Variants in SV2C observed in about 807,000 individuals in gnomAD.
SV2C encodes synaptic vesicle glycoprotein 2C.
Under a neutral mutation model 79.7 loss-of-function variants are expected in SV2C, and 49 were observed. The observed-to-expected ratio is 0.61, with a 90% CI of 0.49 to 0.78. The LOEUF (loss-of-function observed/expected upper bound fraction) is 0.78. Among genes scored for constraint, SV2C ranks in the 30% least tolerant of loss-of-function variants. The probability of loss-of-function intolerance (pLI) is 0.00; values close to 1 mark genes in which losing one functional copy is unlikely to be tolerated. For missense variants in SV2C, 833 were observed against 912.9 expected (o/e 0.91, Z 1.13); for synonymous variants, 334 against 333.2 (o/e 1.00, Z -0.03).
chr5:75,934,885 C>CTT, the SV2C span, among the ~76,000 whole-genome samples: 2,780 of 142,992 alleles, frequency 0.019, 87 homozygotes, highest in African/African-American at 0.06. Flanking sequence ...GCAAAGTTAA[C>CTT]TTTTTTTTTT....
At chr5:75,921,572 C>T in the SV2C span, 1 of 946,698 alleles carries the variant, frequency 1.1e-6, no homozygotes, top group Non-Finnish European at 1.7e-6. Context: ...GTCATTGCGG[C>T]CCGTGAAGTT....
At chr5:76,164,714 G>T (rs1440251766) in intron 2 of SV2C, among the ~76,000 whole-genome samples, 3 of 145,594 alleles carry the variant, frequency 2.1e-5, no homozygotes, top group Non-Finnish European at 4.5e-5. Flanking sequence ...TGTTGGGGAT[G>T]GAACTCAGTG....
chr5:76,173,877 C>T (rs1443913970), intron 2 of SV2C: 1 of 1,596,340 alleles, frequency 6.3e-7, no homozygotes, highest in Admixed American at 1.7e-5. Flanking sequence ...GTGTCTTTAA[C>T]TCGAAGAATC....
chr5:75,895,836 T>C, the SV2C span, among the ~76,000 whole-genome samples: 54 of 152,240 alleles, frequency 3.5e-4, 1 homozygote, highest in East Asian at 9.7e-3. Flanking sequence ...TAATGTTGCA[T>C]TTAAAAATAT....
chr5:76,204,488 C>G (rs1744549543), intron 3 of SV2C, among the ~76,000 whole-genome samples: 1 of 152,096 alleles, frequency 6.6e-6, no homozygotes, highest in South Asian at 2.1e-4. Context: ...TGCAGAATGT[C>G]CCATCTTCCA....
At chr5:76,087,302 C>T (rs1001390869) in intron 1 of SV2C, among the ~76,000 whole-genome samples, 1 of 152,126 alleles carries the variant, frequency 6.6e-6, no homozygotes, top group Non-Finnish European at 1.5e-5. Flanking sequence ...ACCTAATGTG[C>T]GTTATGCTTG....
At chr5:76,234,853 G>T (rs1448138767) in intron 4 of SV2C, among the ~76,000 whole-genome samples, 1 of 152,138 alleles carries the variant, frequency 6.6e-6, no homozygotes, top group Non-Finnish European at 1.5e-5. Flanking sequence ...ACGAGTGAGG[G>T]ATTTCACACT....
rs182553555 is a variant in SV2C at position 76,150,464 on chromosome 5, C to T, written c.580+18134C>T. 2.7e-3 allele frequency among the ~76,000 whole-genome samples: 411 copies of T among 151,996 alleles called. 5 individuals carry two copies. Among genetic ancestry groups the T allele is most frequent in the Admixed American group, 0.022 (338 of 15,282 alleles). On this transcript the variant is annotated intron_variant, in intron 2 of 12. Coordinates refer to ENST00000502798, the MANE Select transcript of SV2C (RefSeq NM_014979.4). ...ATGCTGGGATTACAGGCGCGAGCCA[C>T]GGCACCCAGCCTCTGTTTATTTTTC...
At chr5:75,989,309 C>A in the SV2C span, among the ~76,000 whole-genome samples, 1 of 151,196 alleles carries the variant, frequency 6.6e-6, no homozygotes, top group Non-Finnish European at 1.5e-5. Flanking sequence ...CTCCTCCCCT[C>A]GACTCTGTGA....
chr5:76,088,125 GC>G (rs1340931245), intron 1 of SV2C, among the ~76,000 whole-genome samples: 2 of 152,042 alleles, frequency 1.3e-5, no homozygotes, highest in Non-Finnish European at 2.9e-5. Context: ...TCTGCAACCT[GC>G]CCCCGCTTAC....
chr5:75,915,339 C>T, the SV2C span, among the ~76,000 whole-genome samples: 16 of 152,242 alleles, frequency 1.1e-4, no homozygotes, highest in Non-Finnish European at 2.1e-4. Flanking sequence ...GCAATAAATG[C>T]CAATAAATGC....
chr5:75,863,636 G>A, the SV2C span, among the ~76,000 whole-genome samples: 1 of 152,176 alleles, frequency 6.6e-6, no homozygotes, highest in African/African-American at 2.4e-5. Context: ...AGAAGGGTTT[G>A]TATGCAGTGG....
chr5:76,074,139 C>T, the SV2C span, among the ~76,000 whole-genome samples: 1 of 152,182 alleles, frequency 6.6e-6, no homozygotes, highest in South Asian at 2.1e-4. Flanking sequence ...ATTTGAGACA[C>T]ACGAACAGGC....
chr5:76,048,265 C>T, the SV2C span, among the ~76,000 whole-genome samples: 1 of 152,116 alleles, frequency 6.6e-6, no homozygotes, highest in Non-Finnish European at 1.5e-5. Context: ...TAATTCGGTC[C>T]AAGCTCAAAG....
chr5:75,950,247 A>G, the SV2C span, among the ~76,000 whole-genome samples: 1 of 152,068 alleles, frequency 6.6e-6, no homozygotes, highest in East Asian at 1.9e-4. Context: ...ACACTTTAGT[A>G]ATAAACATAA....
rs572617810 is a variant in SV2C at position 76,111,097 on chromosome 5, G to A, written c.-101-20553G>A. Among the ~76,000 whole-genome samples, 4 of 152,282 alleles carry A rather than the reference G, an allele frequency of 2.6e-5. No homozygotes were observed. The East Asian group carries it at 7.7e-4, about 29-fold the overall frequency. Reference sequence around the variant, plus strand: ...TGATGTCCCATGAATGCATATCCCTGAAAATCCAAGGGCTGGGAGTTGAAT... The same window carrying A: ...TGATGTCCCATGAATGCATATCCCTAAAAATCCAAGGGCTGGGAGTTGAAT... On this transcript the variant is annotated intron_variant, in intron 1 of 12. Transcript: ENST00000502798.
the SV2C span, among the ~76,000 whole-genome samples, chr5:75,916,026 A>G: frequency 6.6e-6 from 1 of 152,212 alleles, no homozygotes; most frequent in Admixed American, 6.5e-5. Context: ...TGTCAGGCTA[A>G]GGAATGGAAA....
At chr5:76,020,028 G>C in the SV2C span, among the ~76,000 whole-genome samples, 1 of 152,156 alleles carries the variant, frequency 6.6e-6, no homozygotes, top group African/African-American at 2.4e-5. Context: ...ACGATCAGGA[G>C]CCTACTGAGG....
intron 2 of SV2C, among the ~76,000 whole-genome samples, chr5:76,172,277 C>T (rs1275868772): frequency 2.9e-5 from 3 of 104,546 alleles, no homozygotes; most frequent in Admixed American, 1.0e-4. Context: ...CCGCCCCGTC[C>T]GGGAGGGAGG....
Sources: allele counts gnomAD v4.1 joint callset (sites outside exome capture counted in the v4.1 genomes callset), GRCh38; gene constraint gnomAD v4.1.1; transcripts MANE v1.5; gene names NCBI Gene and HGNC (gene_info 2026-07-23, HGNC 2026-07-21).